Variants in TLE1 observed in about 807,000 individuals in gnomAD.
TLE1 encodes TLE family member 1, transcriptional corepressor, also known as transducin-like enhancer protein 1.
Under a neutral mutation model 89.8 loss-of-function variants are expected in TLE1, and 21 were observed. The observed-to-expected ratio is 0.23, with a 90% confidence interval of 0.17 to 0.34. The LOEUF (loss-of-function observed/expected upper bound fraction) is 0.34. Ranked by LOEUF, TLE1 falls within the 10% of genes least tolerant of loss-of-function variation. The probability of loss-of-function intolerance (pLI) is 1.00; values close to 1 mark genes in which losing one functional copy is unlikely to be tolerated. For missense variants in TLE1, 795 were observed against 1,031.2 expected, an observed-to-expected ratio of 0.77 and a Z score of 3.14; for synonymous variants, 447 against 407.6, an observed-to-expected ratio of 1.10 and a Z score of -1.16.
At chr9:81,634,841 T>C (rs1827171878) in intron 6 of TLE1, among the ~76,000 whole-genome samples, 1 of 152,146 alleles carries the variant, frequency 6.6e-6, no homozygotes, top group South Asian at 2.1e-4. Flanking sequence ...CACCCTTGCA[T>C]TGACTTACCA....
Position 81,623,387 on chromosome 9 carries a change from TG to T in TLE1, c.595-2831del, listed in dbSNP as rs546371818. Among the ~76,000 whole-genome samples the T allele has an allele frequency of 1.4e-4, 21 of 152,290 alleles. No individual in the cohort carries two copies. The South Asian group carries it at 4.3e-3, about 32-fold the overall frequency. ...TGATCCTCCAAAATTTCGAATGCTA[TG>T]TTGTCTGGGTCCCATTCTAACAAAT... On this transcript the variant is annotated intron_variant, in intron 8 of 19. Coordinates refer to ENST00000376499, the MANE Select transcript of TLE1 (RefSeq NM_005077.5).
At chr9:81,584,757 T>C (rs754783329) in intron 18 of TLE1, among the ~76,000 whole-genome samples, 5 of 152,174 alleles carry the variant, frequency 3.3e-5, no homozygotes, top group Non-Finnish European at 7.3e-5. Flanking sequence ...ACAGGACTAG[T>C]AGCATCATAT....
At chr9:81,671,335 G>A (rs536524185) in intron 4 of TLE1, among the ~76,000 whole-genome samples, 13 of 152,116 alleles carry the variant, frequency 8.5e-5, no homozygotes, top group East Asian at 5.8e-4. Context: ...GCAACATGGC[G>A]AAACCCTGTC....
chr9:81,615,342 A>G (rs988529628), intron 11 of TLE1, among the ~76,000 whole-genome samples: 1 of 150,828 alleles, frequency 6.6e-6, no homozygotes, highest in Non-Finnish European at 1.5e-5. Flanking sequence ...AAAAAAAAAA[A>G]AGAATCTCAG....
chr9:81,625,911 TAAAAAAAAAAAA>T (rs35467275), intron 8 of TLE1, among the ~76,000 whole-genome samples: 1 of 87,846 alleles, frequency 1.1e-5, no homozygotes, highest in African/African-American at 5.4e-5. Context: ...CAGAAACTAC[TAAAAAAAAAAAA>T]AAAAAAAAAA....
intron 6 of TLE1, among the ~76,000 whole-genome samples, chr9:81,635,427 T>C (rs975805299): frequency 6.6e-6 from 1 of 152,172 alleles, no homozygotes. Context: ...TCTGTTCTCA[T>C]TACACAGTAT....
At chr9:81,601,175 A>C (rs815845) in intron 14 of TLE1, among the ~76,000 whole-genome samples, 37,795 of 152,124 alleles carry the variant, frequency 0.25, 5,172 homozygotes, top group Middle Eastern at 0.33. Context: ...CGAGCTGTGG[A>C]ATCTAGACAA....
intron 4 of TLE1, among the ~76,000 whole-genome samples, chr9:81,679,410 A>T (rs1354642150): frequency 2.6e-5 from 4 of 152,160 alleles, no homozygotes; most frequent in Non-Finnish European, 5.9e-5. Flanking sequence ...TACTTTTGTT[A>T]AATCAGGTGA....
intron 6 of TLE1, among the ~76,000 whole-genome samples, chr9:81,648,502 G>GA (rs375457973): frequency 6.6e-5 from 10 of 151,862 alleles, no homozygotes; most frequent in Non-Finnish European, 1.3e-4. Context: ...TACATCAACT[G>GA]AAAAAAACAA....
At chr9:81,654,071 C>T in intron 4 of TLE1, 35 bp from the exon 5 acceptor site, 4 of 1,605,620 alleles carry the variant, frequency 2.5e-6, no homozygotes, top group Non-Finnish European at 3.4e-6. Context: ...GTTTAGAATA[C>T]TTCACAATCA....
chr9:81,687,366 C>T lies in TLE1; in HGVS notation c.93G>A (p.Glu31=). The T allele has an allele frequency of 1.2e-6, 2 of 1,609,490 alleles. No homozygotes were observed. The highest frequency in any genetic ancestry group is 2.1e-4 in the Middle Eastern group (1 of 4,830). ...ACTGCGCCTGCAGGAACTGGAATTC[C>T]TCTTTAATCCGGTCCAGGGACTCCG... ...TIPESLDRIK[E]EFQFLQAQYH... Residue 31 remains glutamate, a synonymous_variant, in exon 2 of 20, where the codon GAG becomes GAA. Transcript: ENST00000376499.
At chr9:81,592,193 C>T (rs1305037369) in intron 15 of TLE1, among the ~76,000 whole-genome samples, 1 of 152,116 alleles carries the variant, frequency 6.6e-6, no homozygotes, top group Admixed American at 6.5e-5. Context: ...CCCGTCTCTA[C>T]TAAAAATACA....
chr9:81,612,446 T>C (rs1351171556), intron 12 of TLE1: 12 of 850,746 alleles, frequency 1.4e-5, no homozygotes, highest in East Asian at 1.2e-4. Context: ...CTGTTGCCTA[T>C]TTTCCTTTGG....
Position 81,688,704 on chromosome 9 carries a change from T to G in TLE1, c.-464A>C. The G allele has an allele frequency of 6.4e-6, 1 of 156,378 alleles. No individual in the cohort carries two copies. The highest frequency in any genetic ancestry group is 1.4e-5 in the Non-Finnish European group (1 of 71,176). The allele number at this position is 156,378 out of a possible 1,614,324, so 9.7% of individuals were successfully genotyped here. A position where few individuals can be genotyped will look rare whatever the true frequency, so the allele number is the denominator to read the frequency against. ...CCTGGTCCGCCTCCTCTTCGGGCTT[T>G]CCCCGAGGCGGCGGCGGGCGAGGTG... On this transcript the variant is annotated 5_prime_UTR_variant, in exon 1 of 20. Transcript: ENST00000376499.
intron 14 of TLE1, among the ~76,000 whole-genome samples, chr9:81,604,481 T>C (rs1831377092): frequency 6.6e-6 from 1 of 152,196 alleles, no homozygotes; most frequent in Non-Finnish European, 1.5e-5. Context: ...GTGTGCTGTG[T>C]GGTCTCAGCG....
At chr9:81,593,327 A>G in intron 14 of TLE1, 53 bp from the exon 15 acceptor site, 1 of 1,547,746 alleles carries the variant, frequency 6.5e-7, no homozygotes, top group African/African-American at 1.4e-5. Context: ...CAGAGGAAGC[A>G]ATCCCTATCT....
chr9:81,674,696 G>A (rs915002192), intron 4 of TLE1, among the ~76,000 whole-genome samples: 3 of 152,182 alleles, frequency 2.0e-5, no homozygotes, highest in African/African-American at 4.8e-5. Context: ...ACTTTGTAAG[G>A]GGAGTCCAGC....
At chr9:81,655,586 GA>G (rs559986303) in intron 4 of TLE1, among the ~76,000 whole-genome samples, 3 of 149,498 alleles carry the variant, frequency 2.0e-5, no homozygotes, top group Non-Finnish European at 3.0e-5. Flanking sequence ...TTTTAAAAAA[GA>G]AAAAAAAAGT....
Position 81,613,370 on chromosome 9 carries a change from G to A in TLE1, c.1063+7C>T. The A allele has an allele frequency of 1.2e-6, 2 of 1,613,314 alleles. No individual in the cohort carries two copies. Among genetic ancestry groups the A allele is most frequent in the Middle Eastern group, 1.7e-4 (1 of 6,048 alleles). ...CAAACAAAGCACAACAAGAGGCGATGCTGTACCCGCTTGGTTAACGAGGGG... is the reference window on the plus strand; with the variant it reads ...CAAACAAAGCACAACAAGAGGCGATACTGTACCCGCTTGGTTAACGAGGGG... On this transcript the variant is annotated splice_region_variant and intron_variant, in intron 12 of 19. Coordinates refer to ENST00000376499, the MANE Select transcript of TLE1 (RefSeq NM_005077.5).
Sources: allele counts gnomAD v4.1 joint callset (sites outside exome capture counted in the v4.1 genomes callset), GRCh38; gene constraint gnomAD v4.1.1; transcripts MANE v1.5; gene names NCBI Gene and HGNC (gene_info 2026-07-23, HGNC 2026-07-21).